The following SIPA1L2 variants were observed in gnomAD, a reference collection of about 807,000 sequenced individuals.
SIPA1L2 encodes the protein signal-induced proliferation-associated 1-like protein 2.
In SIPA1L2, 56 loss-of-function variants were observed where a neutral mutation model predicts 163.9. That is an observed-to-expected ratio of 0.34 (90% confidence interval 0.28 to 0.43). The LOEUF (loss-of-function observed/expected upper bound fraction) is 0.43, where lower values mean the gene tolerates loss of function less well. SIPA1L2 is among the 20% of genes least tolerant of loss of function. The pLI is 1.00. For missense variants in SIPA1L2, 1,974 were observed against 2,193.5 expected, an observed-to-expected ratio of 0.90 and a Z score of 2.00; for synonymous variants, 877 against 865.7, an observed-to-expected ratio of 1.01 and a Z score of -0.23.
intron 2 of SIPA1L2, among the ~76,000 whole-genome samples, chr1:232,517,328 G>A (rs1414037508): frequency 2.6e-5 from 4 of 152,114 alleles, no homozygotes; most frequent in Admixed American, 6.5e-5. Flanking sequence ...GCACAAGGGA[G>A]TCAAAAAGGA....
At chr1:232,613,424 CAA>C (rs747266374) in intron 1 of SIPA1L2, among the ~76,000 whole-genome samples, 4 of 152,206 alleles carry the variant, frequency 2.6e-5, no homozygotes, top group East Asian at 1.9e-4. Context: ...AAGGAAAACA[CAA>C]AGTTACAGGT....
At chr1:232,539,368 C>CA (rs1393795196) in intron 2 of SIPA1L2, among the ~76,000 whole-genome samples, 1 of 152,192 alleles carries the variant, frequency 6.6e-6, no homozygotes, top group East Asian at 1.9e-4. Flanking sequence ...CGAGAACACT[C>CA]AAAATCACTT....
intron 10 of SIPA1L2, among the ~76,000 whole-genome samples, chr1:232,449,659 G>C (rs943239612): frequency 1.3e-5 from 2 of 151,924 alleles, no homozygotes; most frequent in Admixed American, 6.6e-5. Context: ...AACATTTCTA[G>C]AACTAAGATA....
chr1:232,620,820 T>G (rs12562711), intron 1 of SIPA1L2, among the ~76,000 whole-genome samples: 10,247 of 152,284 alleles, frequency 0.067, 646 homozygotes, highest in East Asian at 0.37. Flanking sequence ...TTCTAGCTTC[T>G]CTATTAATGT....
intron 2 of SIPA1L2, among the ~76,000 whole-genome samples, chr1:232,557,479 C>G (rs1443611281): frequency 6.6e-6 from 1 of 152,198 alleles, no homozygotes; most frequent in Non-Finnish European, 1.5e-5. Flanking sequence ...CATCAGGCCC[C>G]ACCAAACAAT....
At chr1:232,534,127 T>G (rs56407446) in intron 2 of SIPA1L2, among the ~76,000 whole-genome samples, 4,855 of 152,014 alleles carry the variant, frequency 0.032, 290 homozygotes, top group African/African-American at 0.11. Context: ...TCACATTTTC[T>G]GAATATAAAA....
chr1:232,498,529 A>G (rs1179930246), intron 3 of SIPA1L2, among the ~76,000 whole-genome samples: 1 of 152,220 alleles, frequency 6.6e-6, no homozygotes, highest in South Asian at 2.1e-4. Context: ...AGTTTCAATA[A>G]GCAAAAATCA....
chr1:232,460,780 GAC>G, intron 10 of SIPA1L2, 105 bp downstream of exon 10: 1 of 1,352,750 alleles, frequency 7.4e-7, no homozygotes, highest in Non-Finnish European at 1.0e-6. Context: ...ACTGTACAAA[GAC>G]ACACTTGACT....
rs753002321 is a variant in SIPA1L2 at position 232,445,618 on chromosome 1, G to A, written c.3264C>T (p.Asp1088=). ...GGAGCAGCTGTTGGCACGGCAGCCG[G>A]TCGGGCGTGCCGGGGATGGGGGAAG... ...SRASPIPGTP[D]RLPCQQLLQQ... is the part of the protein sequence containing the mutation. The change falls in exon 11 of 23, where the codon GAC becomes GAT. Residue 1088 remains aspartate, a synonymous_variant. Coordinates refer to ENST00000674635, the MANE Select transcript of SIPA1L2 (RefSeq NM_020808.5). The A allele has an allele frequency of 1.2e-6, 2 of 1,614,012 alleles. No homozygotes were observed. The highest frequency in any genetic ancestry group is 2.7e-5 in the African/African-American group (2 of 75,052).
At chr1:232,579,067 T>C (rs1164502262) in intron 1 of SIPA1L2, among the ~76,000 whole-genome samples, 1 of 152,184 alleles carries the variant, frequency 6.6e-6, no homozygotes, top group Non-Finnish European at 1.5e-5. Context: ...CTCCTCACAC[T>C]TCATCAGGAA....
At chr1:232,541,935 A>ATCTCTCTCTCTCTCTCTCTCTCTCTCTC (rs59407464) in intron 2 of SIPA1L2, among the ~76,000 whole-genome samples, 11 of 148,308 alleles carry the variant, frequency 7.4e-5, no homozygotes, top group Admixed American at 2.7e-4. Context: ...TGAGCCTTAA[A>ATCTCTCTCTCTCTCTCTCTCTCTCTCTC]TCTCTCTCTC....
Position 232,539,779 on chromosome 1 carries a change from C to T in SIPA1L2, c.-269-24171G>A, listed in dbSNP as rs148404463. Among the ~76,000 whole-genome samples, 337 of 152,270 alleles carry T rather than the reference C, an allele frequency of 2.2e-3. 3 individuals are homozygous for T. Among genetic ancestry groups the T allele is most frequent in the African/African-American group, 7.4e-3 (308 of 41,534 alleles). Reference sequence around the variant, plus strand: ...TTTCTACCACGAGTCTGACGACAGCCCTCTTACTTCAGAGAGCCCCCCAGT... The same window carrying T: ...TTTCTACCACGAGTCTGACGACAGCTCTCTTACTTCAGAGAGCCCCCCAGT... On this transcript the variant is annotated intron_variant, in intron 2 of 22. Coordinates refer to ENST00000674635, the MANE Select transcript of SIPA1L2 (RefSeq NM_020808.5).
intron 2 of SIPA1L2, among the ~76,000 whole-genome samples, chr1:232,572,248 C>G (rs915923525): frequency 6.6e-6 from 1 of 152,184 alleles, no homozygotes; most frequent in Admixed American, 6.5e-5. Flanking sequence ...ACAGAAAGAA[C>G]TCATCACTTA....
intron 2 of SIPA1L2, among the ~76,000 whole-genome samples, chr1:232,521,351 T>A (rs181529845): frequency 6.6e-6 from 1 of 152,196 alleles, no homozygotes; most frequent in Non-Finnish European, 1.5e-5. Flanking sequence ...AGTTAAGAAT[T>A]TTTTCATTGG....
chr1:232,551,971 C>A (rs1376409887), intron 2 of SIPA1L2, among the ~76,000 whole-genome samples: 4 of 152,190 alleles, frequency 2.6e-5, no homozygotes, highest in Non-Finnish European at 5.9e-5. Context: ...TCCTAAGTAG[C>A]TGAGATTACA....
intron 6 of SIPA1L2, among the ~76,000 whole-genome samples, chr1:232,482,556 T>C (rs772083967): frequency 1.3e-5 from 2 of 152,224 alleles, no homozygotes; most frequent in Non-Finnish European, 2.9e-5. Context: ...ATACATATAA[T>C]GTAACAGTCA....
chr1:232,448,501 A>T (rs1420879568), intron 10 of SIPA1L2, among the ~76,000 whole-genome samples: 5 of 152,248 alleles, frequency 3.3e-5, no homozygotes, highest in African/African-American at 1.2e-4. Flanking sequence ...CCTTTTCAGA[A>T]AATCATCACA....
At chr1:232,560,432 TCA>T (rs1165548825) in intron 2 of SIPA1L2, among the ~76,000 whole-genome samples, 4 of 152,236 alleles carry the variant, frequency 2.6e-5, no homozygotes, top group African/African-American at 9.6e-5. Context: ...AAAATTTAAT[TCA>T]GAGTCATCTT....
At chr1:232,467,585 A>C (rs575948187) in intron 8 of SIPA1L2, among the ~76,000 whole-genome samples, 1 of 152,314 alleles carries the variant, frequency 6.6e-6, no homozygotes, top group African/African-American at 2.4e-5. Context: ...ATGAGCTCAA[A>C]GGGTCTCTCT....
Sources: gnomAD v4.1 joint callset for allele counts (sites outside exome capture counted in the v4.1 genomes callset) on GRCh38, gnomAD v4.1.1 for gene constraint, MANE v1.5 for transcripts, NCBI Gene and HGNC (gene_info 2026-07-23, HGNC 2026-07-21) for gene names.